EIF4G1: variants seen among roughly 807,000 people sequenced by gnomAD.
EIF4G1 encodes eukaryotic translation initiation factor 4 gamma 1.
In EIF4G1, 4 loss-of-function variants were observed where a neutral mutation model predicts 187.8. That is an observed-to-expected ratio of 0.02 (90% CI 0.01 to 0.05). The LOEUF (loss-of-function observed/expected upper bound fraction) is 0.05. Among genes scored for constraint, EIF4G1 ranks in the 10% least tolerant of loss-of-function variants. EIF4G1 has a pLI of 1.00. For missense variants in EIF4G1, 1,647 were observed against 2,081.1 expected (o/e 0.79, Z 4.06); for synonymous variants, 844 against 781.4 (o/e 1.08, Z -1.34).
In EIF4G1 at chr3:184,335,309, AG is replaced by A. The variant is rs1282922864; in HGVS notation, c.*408del. 2.9e-5 allele frequency: 7 copies of A among 241,944 alleles called. No individual in the cohort carries two copies. Among genetic ancestry groups the A allele is most frequent in the Non-Finnish European group, 5.8e-5 (7 of 120,674 alleles). 15.0% of individuals were successfully genotyped at this position (241,944 alleles called of 1,614,324 possible). A position where few individuals can be genotyped will look rare whatever the true frequency, so the allele number is the denominator to read the frequency against. On this transcript the variant is annotated 3_prime_UTR_variant, in exon 33 of 33. Coordinates refer to ENST00000346169, the MANE Select transcript of EIF4G1 (RefSeq NM_198241.3). ...CCCTGCTGTTGCCTGGGCAGGGGGAAGGGGGGGCACGGTGCCTGTAATTATT... is the reference window on the plus strand; with the variant it reads ...CCCTGCTGTTGCCTGGGCAGGGGGAAGGGGGGCACGGTGCCTGTAATTATT...
chr3:184,316,791 TAG>T, intron 4 of EIF4G1: 1 of 1,544,406 alleles, frequency 6.5e-7, no homozygotes, highest in South Asian at 1.1e-5. Flanking sequence ...CCCTCCACCC[TAG>T]TCAGGGGCTA....
Position 184,323,573 on chromosome 3 carries a change from G to C in EIF4G1, c.2254G>C (p.Ala752Pro). ...TGATAAGGATCGAGGGGAAGAAGATGCTGATGGCAGCAAAACCCAGGTACT... is the reference window on the plus strand; with the variant it reads ...TGATAAGGATCGAGGGGAAGAAGATCCTGATGGCAGCAAAACCCAGGTACT... Reference protein sequence around the residue: ...AADKDRGEEDADGSKTQDLFR... With the variant: ...AADKDRGEEDPDGSKTQDLFR... Residue 752 changes from alanine (A) to proline (P), a missense_variant, in exon 15 of 33, where the codon GCT becomes CCT. Physicochemically the swap from Ala to Pro is conservative, Grantham distance 27. Transcript: ENST00000346169. The surrounding 1 kb of genome is among the most constrained non-coding windows in gnomAD (Gnocchi z 6.9). The C allele has an allele frequency of 1.9e-6, 3 of 1,614,124 alleles. No homozygotes were observed. Among genetic ancestry groups the C allele is most frequent in the Non-Finnish European group, 2.5e-6 (3 of 1,180,038 alleles).
chr3:184,324,026 A>G (rs1724387309), intron 16 of EIF4G1, 49 bp downstream of exon 16: 1 of 1,610,732 alleles, frequency 6.2e-7, no homozygotes, highest in Non-Finnish European at 8.5e-7. Flanking sequence ...GCCCATTCCT[A>G]TTCCCAAGAC....
rs552985026 is a variant in EIF4G1 at position 184,319,589 on chromosome 3, G to A, written c.425-100G>A. 11 of 797,780 alleles carry A rather than the reference G, an allele frequency of 1.4e-5. No individual in the cohort carries two copies. In the South Asian group the frequency reaches 1.6e-4, roughly 12 times the overall value. 49.4% of individuals were successfully genotyped at this position (797,780 alleles called of 1,614,324 possible). On this transcript the variant is annotated intron_variant, in intron 6 of 32. Transcript: ENST00000346169. ...CAGGGCAAGGCAAGGGGCCGGCTGT[G>A]GGTGGTGAGAGGTTTTGGGGTGGGA...
At chr3:184,318,800 T>G (rs1723242296) in intron 6 of EIF4G1, among the ~76,000 whole-genome samples, 1 of 151,262 alleles carries the variant, frequency 6.6e-6, no homozygotes, top group East Asian at 2.0e-4. Context: ...AGATGGTGTT[T>G]CATCATGTTG....
At position 184,316,306 on chromosome 3, in the gene EIF4G1, G is replaced by A. The variant is rs544511711; in HGVS notation, c.147+88G>A. On this transcript the variant is annotated intron_variant, in intron 4 of 32. Coordinates refer to ENST00000346169, the MANE Select transcript of EIF4G1 (RefSeq NM_198241.3). ...TTTAGGTCTAGGATGGAAACTGGAG[G>A]CCCCATACCTGGCCTTAATCCTCTG... 80 of 1,519,646 alleles carry A rather than the reference G, an allele frequency of 5.3e-5. No individual in the cohort carries two copies. In the African/African-American group the frequency reaches 8.3e-4, roughly 16 times the overall value. 94.1% of individuals were successfully genotyped at this position (1,519,646 alleles called of 1,614,324 possible). A position where few individuals can be genotyped will look rare whatever the true frequency, so the allele number is the denominator to read the frequency against.
At chr3:184,328,401 C>G in intron 26 of EIF4G1, 3 of 659,026 alleles carry the variant, frequency 4.6e-6, no homozygotes, top group Non-Finnish European at 7.8e-6. Context: ...AAAAAAAAAC[C>G]AAAAAACAGT....
chr3:184,320,769 G>T, intron 8 of EIF4G1, 47 bp downstream of exon 8: 1 of 1,613,454 alleles, frequency 6.2e-7, no homozygotes, highest in African/African-American at 1.3e-5. Flanking sequence ...TGTCTGTTCT[G>T]CCCTGGACTC....
Position 184,327,671 on chromosome 3 carries a change from C to T in EIF4G1, c.3747C>T (p.Ile1249=), listed in dbSNP as rs1427815779. The T allele has an allele frequency of 6.2e-7, 1 of 1,614,088 alleles. No individual in the cohort carries two copies. The highest frequency in any genetic ancestry group is 2.2e-5 in the East Asian group (1 of 44,892). ...AGTTAGAGAAGAAATCCAAGGCTAT[C>T]ATTGAGGAATATCTCCATCTCAATG... ...EEELEKKSKA[I]IEEYLHLNDM... The change falls in exon 25 of 33, where the codon ATC becomes ATT. Residue 1249 remains isoleucine, a synonymous_variant. Transcript: ENST00000346169.
At chr3:184,317,687 C>A (rs1723038571) in intron 5 of EIF4G1, 30 bp from the exon 6 acceptor site, 2 of 1,594,912 alleles carry the variant, frequency 1.3e-6, no homozygotes, top group Non-Finnish European at 1.7e-6. Flanking sequence ...TCCCTCAACT[C>A]CTTCTCTCCC....
chr3:184,319,887 G>C lies in EIF4G1; in HGVS notation c.537+86G>C, dbSNP rs866447880. 5 of 995,440 alleles carry C rather than the reference G, an allele frequency of 5.0e-6. No homozygotes were observed. In the Middle Eastern group the frequency reaches 1.0e-3, roughly 203 times the overall value. 61.7% of individuals were successfully genotyped at this position (995,440 alleles called of 1,614,324 possible). On this transcript the variant is annotated intron_variant, in intron 7 of 32. Transcript: ENST00000346169. ...CTGGGACATTGTGCCGGAAAGAGCA[G>C]TGACTTGAGGAGGAAGGAGCTGAGA...
chr3:184,327,945 A>T lies in EIF4G1; in HGVS notation c.3896A>T (p.Gln1299Leu). The change falls in exon 26 of 33, where the codon CAG (glutamine) becomes CTG (leucine). Residue 1299 changes from glutamine (Q) to leucine (L), a missense_variant. Physicochemically the swap from Gln to Leu is moderately radical, Grantham distance 113 (BLOSUM62 -2). Coordinates refer to ENST00000346169, the MANE Select transcript of EIF4G1 (RefSeq NM_198241.3). ...RSAIAREHMGQLLHQLLCAGH... is the reference protein window; with the variant it reads ...RSAIAREHMGLLLHQLLCAGH... The stretch of plus-strand genomic sequence containing the variant: ...GCCATTGCTCGTGAGCATATGGGGC[A>T]GCTGCTGCACCAGCTGCTCTGTGCT... 3.1e-6 allele frequency: 5 copies of T among 1,611,912 alleles called. No homozygotes were observed. Among genetic ancestry groups the T allele is most frequent in the Non-Finnish European group, 4.2e-6 (5 of 1,180,030 alleles).
chr3:184,319,382 C>T (rs1036852487), intron 6 of EIF4G1: 2 of 437,760 alleles, frequency 4.6e-6, no homozygotes, highest in South Asian at 2.2e-5. Flanking sequence ...CATAAGTCCT[C>T]CTGGTCACTG....
intron 8 of EIF4G1, 84 bp downstream of exon 8, chr3:184,320,806 C>T: frequency 6.2e-7 from 1 of 1,607,848 alleles, no homozygotes; most frequent in South Asian, 1.1e-5. Context: ...TTTCTTTCAA[C>T]TAAGGGATTT....
In EIF4G1 at chr3:184,325,391, C is replaced by T. The variant is rs374134788; in HGVS notation, c.2961+18C>T. The T allele has an allele frequency of 1.3e-5, 21 of 1,614,012 alleles. No homozygotes were observed. The African/African-American group carries it at 2.4e-4, about 18-fold the overall frequency. On this transcript the variant is annotated intron_variant, in intron 19 of 32. Coordinates refer to ENST00000346169, the MANE Select transcript of EIF4G1 (RefSeq NM_198241.3). The surrounding 1 kb of genome is among the most constrained non-coding windows in gnomAD (Gnocchi z 5.2). ...TGCGAGGGGTGTGTGTCCCCCTCCT[C>T]CCCACTGCCAGCCTGCTGCCTCCAG... is the stretch of plus-strand genomic sequence containing the variant.
Position 184,327,578 on chromosome 3 carries a change from T to C in EIF4G1, c.3662-8T>C. ...AAAGTCCCTCTAATCTGTGTTCTCT[T>C]CCCACAGTGAAGCGAGAAGCTGCCC... is the stretch of plus-strand genomic sequence containing the variant. On this transcript the variant is annotated splice_polypyrimidine_tract_variant and splice_region_variant and intron_variant, in intron 24 of 32. Transcript: ENST00000346169. The C allele has an allele frequency of 6.2e-7, 1 of 1,613,996 alleles. No individual in the cohort carries two copies. The highest frequency in any genetic ancestry group is 8.5e-7 in the Non-Finnish European group (1 of 1,179,864).
Position 184,325,352 on chromosome 3 carries a change from G to A in EIF4G1, c.2940G>A (p.Gln980=). The change falls in exon 19 of 33, where the codon CAG becomes CAA. Residue 980 remains glutamine, a synonymous_variant. Transcript: ENST00000346169. This position sits in a 1 kb window ranked among gnomAD's most constrained non-coding sequence, Gnocchi z 5.2. ...CATCCCGCATCCGCTTTATGCTGCA[G>A]GACGTGCTGGATCTGCGAGGGGTGT... The part of the protein sequence containing the change: ...KTSSRIRFML[Q]DVLDLRGSNW... The A allele has an allele frequency of 6.2e-7, 1 of 1,614,250 alleles. No individual in the cohort carries two copies. Among genetic ancestry groups the A allele is most frequent in the Non-Finnish European group, 8.5e-7 (1 of 1,180,046 alleles).
chr3:184,316,993 C>T (rs769829223), intron 4 of EIF4G1, among the ~76,000 whole-genome samples: 2 of 151,798 alleles, frequency 1.3e-5, no homozygotes, highest in Non-Finnish European at 2.9e-5. Context: ...ATATGTTGCC[C>T]GAAAGGGCCT....
At chr3:184,324,099 A>AG in intron 16 of EIF4G1, 102 bp from the exon 17 acceptor site, 1 of 1,606,172 alleles carries the variant, frequency 6.2e-7, no homozygotes, top group Non-Finnish European at 8.5e-7. Flanking sequence ...AAGGAGGCAG[A>AG]GCTGGGGCCA....
Sources: allele counts gnomAD v4.1 joint callset (sites outside exome capture counted in the v4.1 genomes callset), GRCh38; gene constraint gnomAD v4.1.1; non-coding constraint Gnocchi (gnomAD v3.1); transcripts MANE v1.5; gene names NCBI Gene and HGNC (gene_info 2026-07-23, HGNC 2026-07-21).